SYNE2: variants seen among roughly 807,000 people sequenced by gnomAD.
SYNE2 encodes the protein nesprin-2.
In SYNE2, 431 loss-of-function variants were observed where a neutral mutation model predicts 856.3. The observed-to-expected ratio is 0.50, with a 90% CI of 0.47 to 0.55. The LOEUF is 0.55. Ranked by LOEUF, SYNE2 falls within the 20% of genes least tolerant of loss-of-function variation. The pLI, the probability that SYNE2 is intolerant of heterozygous loss-of-function variation, is 0.00. For synonymous variants in SYNE2, 2,923 were observed against 2,872.3 expected (o/e 1.02, Z -0.56); for missense variants, 8,129 against 8,023.2 (o/e 1.01, Z -0.50).
In SYNE2 at chr14:64,225,645, T is replaced by A. The variant is rs374454031; in HGVS notation, c.*119T>A. 6 of 1,131,838 alleles carry A rather than the reference T, an allele frequency of 5.3e-6. No homozygotes were observed. The highest frequency in any genetic ancestry group is 2.6e-5 in the East Asian group (1 of 38,772). The allele number at this position is 1,131,838 out of a possible 1,614,324, so 70.1% of individuals were successfully genotyped here. A position where few individuals can be genotyped will look rare whatever the true frequency, so the allele number is the denominator to read the frequency against. On this transcript the variant is annotated 3_prime_UTR_variant, in exon 116 of 116. Transcript: ENST00000555002. ...CAAGGTCCCGGGACCTGTGCAGACT[T>A]CTTCTGGGCTTACCCAGCACGGGCT...
intron 1 of SYNE2, among the ~76,000 whole-genome samples, chr14:63,811,754 T>A (rs1479885225): frequency 1.3e-5 from 2 of 152,026 alleles, no homozygotes; most frequent in East Asian, 3.9e-4. Context: ...CACATATCAG[T>A]AGGACCATAA....
chr14:64,021,060 T>C (rs1302136673), intron 35 of SYNE2, among the ~76,000 whole-genome samples: 2 of 152,210 alleles, frequency 1.3e-5, no homozygotes, highest in East Asian at 3.8e-4. Flanking sequence ...TAGATTAAAC[T>C]TGTGTTGAGG....
At chr14:63,913,620 G>A (rs1358452021) in intron 2 of SYNE2, among the ~76,000 whole-genome samples, 15 of 151,282 alleles carry the variant, frequency 9.9e-5, no homozygotes, top group Admixed American at 3.3e-4. Context: ...CTGCCACCAC[G>A]TCTGGCTAAT....
intron 1 of SYNE2, among the ~76,000 whole-genome samples, chr14:63,822,022 C>G (rs954660686): frequency 1.3e-5 from 2 of 152,070 alleles, no homozygotes; most frequent in Admixed American, 6.6e-5. Context: ...GAAACCCCGT[C>G]TCTACTAAAA....
At chr14:64,034,503 G>T in intron 45 of SYNE2, 3 of 506,984 alleles carry the variant, frequency 5.9e-6, no homozygotes, top group East Asian at 3.1e-5. Context: ...GAATTTTGTT[G>T]AAAATGTGAT....
At chr14:64,124,457 T>C (rs1022907791) in intron 70 of SYNE2, among the ~76,000 whole-genome samples, 1 of 150,432 alleles carries the variant, frequency 6.6e-6, no homozygotes, top group African/African-American at 2.5e-5. Flanking sequence ...ACTCCTGGCC[T>C]CTAGGAATCC....
At chr14:63,988,809 A>T (rs1031993827) in intron 19 of SYNE2, among the ~76,000 whole-genome samples, 2 of 152,164 alleles carry the variant, frequency 1.3e-5, no homozygotes, top group African/African-American at 4.8e-5. Context: ...TATAATCATC[A>T]GATCTCGTGA....
At chr14:63,886,748 C>T (rs1433307998) in intron 1 of SYNE2, among the ~76,000 whole-genome samples, 1 of 152,092 alleles carries the variant, frequency 6.6e-6, no homozygotes, top group Non-Finnish European at 1.5e-5. Context: ...CAACCTCTTC[C>T]TTCTGGGTTC....
Position 64,141,391 on chromosome 14 carries a change from C to T in SYNE2, c.15027C>T (p.Ile5009=). The stretch of plus-strand genomic sequence containing the variant: ...AATCCTCCTTGAAGACTGCCGTTAT[C>T]AGTATCGGGAACCAGCTTCTTCACC... ...DEKSSLKTAV[I]SIGNQLLHLK... is the part of the protein sequence containing the mutation. Residue 5009 remains isoleucine (I), a synonymous_variant, in exon 81 of 116, where the codon ATC becomes ATT. Transcript: ENST00000555002. 6.2e-7 allele frequency: 1 copy of T among 1,614,056 alleles called. No homozygotes were observed. Among genetic ancestry groups the T allele is most frequent in the Non-Finnish European group, 8.5e-7 (1 of 1,179,986 alleles).
chr14:63,838,011 A>G (rs1393418563), intron 1 of SYNE2, among the ~76,000 whole-genome samples: 1 of 152,016 alleles, frequency 6.6e-6, no homozygotes, highest in African/African-American at 2.4e-5. Context: ...CACATAAAAG[A>G]TGCTCAACAT....
At chr14:64,211,337 G>A (rs1468449912) in intron 103 of SYNE2, among the ~76,000 whole-genome samples, 2 of 152,222 alleles carry the variant, frequency 1.3e-5, no homozygotes, top group Non-Finnish European at 2.9e-5. Context: ...GTTTGGCACT[G>A]AAGCTATACT....
chr14:63,945,387 T>C (rs1306101638), intron 6 of SYNE2, among the ~76,000 whole-genome samples: 1 of 152,144 alleles, frequency 6.6e-6, no homozygotes, highest in African/African-American at 2.4e-5. Context: ...ACCATACAAA[T>C]GGAATTATAA....
chr14:63,990,338 G>A (rs751294324), intron 19 of SYNE2, 73 bp from the exon 20 acceptor site: 34 of 1,488,040 alleles, frequency 2.3e-5, no homozygotes, highest in Non-Finnish European at 3.1e-5. Context: ...TTGGTTTCCT[G>A]AGATTGTTTT....
At chr14:64,157,942 G>T (rs915478392) in intron 85 of SYNE2, among the ~76,000 whole-genome samples, 5 of 152,080 alleles carry the variant, frequency 3.3e-5, no homozygotes, top group African/African-American at 1.2e-4. Flanking sequence ...CTTTAATATT[G>T]ATTTGTAAGT....
chr14:63,998,671 C>T (rs1387219488), intron 26 of SYNE2, among the ~76,000 whole-genome samples: 1 of 152,182 alleles, frequency 6.6e-6, no homozygotes, highest in Non-Finnish European at 1.5e-5. Context: ...AAGTGATTCT[C>T]CTGCCTCAGC....
intron 2 of SYNE2, among the ~76,000 whole-genome samples, chr14:63,940,218 G>A (rs2095891242): frequency 3.3e-5 from 5 of 151,856 alleles, no homozygotes; most frequent in Admixed American, 3.3e-4. Flanking sequence ...ACCATGCCTA[G>A]CTAATTTTTG....
chr14:64,026,012 C>T (rs1486637108), intron 41 of SYNE2, among the ~76,000 whole-genome samples: 1 of 152,080 alleles, frequency 6.6e-6, no homozygotes, highest in Non-Finnish European at 1.5e-5. Flanking sequence ...TGTAGGAGAA[C>T]TGAAATCACA....
chr14:64,046,385 G>T (rs1194157013), intron 45 of SYNE2, among the ~76,000 whole-genome samples: 1 of 152,152 alleles, frequency 6.6e-6, no homozygotes, highest in Non-Finnish European at 1.5e-5. Context: ...TTTGAGCAGG[G>T]TCTGTCACCC....
chr14:63,941,641 G>T, intron 3 of SYNE2, 54 bp from the exon 4 acceptor site: 1 of 1,441,786 alleles, frequency 6.9e-7, no homozygotes, highest in Non-Finnish European at 9.8e-7. Context: ...ATTCTTAAAG[G>T]TATTCTTTTT....
Sources: gnomAD v4.1 joint callset for allele counts (sites outside exome capture counted in the v4.1 genomes callset) on GRCh38, gnomAD v4.1.1 for gene constraint, MANE v1.5 for transcripts, NCBI Gene and HGNC (gene_info 2026-07-23, HGNC 2026-07-21) for gene names.